CTNNA2: variants seen among roughly 807,000 people sequenced by gnomAD.
The protein encoded by CTNNA2 is catenin alpha 2, also known as catenin alpha-2.
A neutral mutation model predicts 101.0 loss-of-function variants in CTNNA2; 42 were observed. That is an observed-to-expected ratio of 0.42 (90% CI 0.32 to 0.54). The LOEUF is 0.54. CTNNA2 is among the 20% of genes least tolerant of loss of function. The pLI is 0.14. For missense variants in CTNNA2, 871 were observed against 1,223.1 expected, an observed-to-expected ratio of 0.71 and a Z score of 4.29; for synonymous variants, 450 against 456.4, an observed-to-expected ratio of 0.99 and a Z score of 0.18.
At chr2:79,616,585 G>A (rs1436196388) in intron 1 of CTNNA2, among the ~76,000 whole-genome samples, 1 of 152,058 alleles carries the variant, frequency 6.6e-6, no homozygotes, top group African/African-American at 2.4e-5. Flanking sequence ...AGCCACCCTC[G>A]TCTTTCATCC....
At chr2:80,606,868 C>G (rs988143989) in intron 16 of CTNNA2, among the ~76,000 whole-genome samples, 2 of 151,848 alleles carry the variant, frequency 1.3e-5, no homozygotes, top group African/African-American at 4.8e-5. Context: ...GTATCAAAAG[C>G]CTTGTCAGCC....
chr2:79,431,543 C>T (rs180859837), intron 4 of CTNNA2, among the ~76,000 whole-genome samples: 1 of 152,274 alleles, frequency 6.6e-6, no homozygotes, highest in East Asian at 1.9e-4. Flanking sequence ...ACGTGTTACT[C>T]CTGCCCACAT....
rs2149803809 is a variant in CTNNA2, at chr2:80,619,245, T to G, written c.2574+17T>G. 4 of 1,518,568 alleles carry G rather than the reference T, an allele frequency of 2.6e-6. No individual in the cohort carries two copies. In the East Asian group the frequency reaches 9.5e-5, roughly 36 times the overall value. 94.1% of individuals were successfully genotyped at this position (1,518,568 alleles called of 1,614,324 possible). A position where few individuals can be genotyped will look rare whatever the true frequency, so the allele number is the denominator to read the frequency against. ...TCCTCCATGGTGAGTAAATTGACTTTCTAATCTAATGTCTTTCATTGTAAT... is the reference window on the plus strand; with the variant it reads ...TCCTCCATGGTGAGTAAATTGACTTGCTAATCTAATGTCTTTCATTGTAAT... On this transcript the variant is annotated intron_variant, in intron 18 of 18. Transcript: ENST00000402739.
chr2:80,079,541 G>A (rs370932806), intron 7 of CTNNA2, among the ~76,000 whole-genome samples: 9 of 152,312 alleles, frequency 5.9e-5, no homozygotes, highest in African/African-American at 1.2e-4. Context: ...CCGGCTGGGC[G>A]CAGTGGCTCA....
chr2:80,071,571 C>T (rs1433064565), intron 7 of CTNNA2, among the ~76,000 whole-genome samples: 2 of 139,802 alleles, frequency 1.4e-5, no homozygotes, highest in Non-Finnish European at 2.9e-5. Flanking sequence ...AGATGAAAAC[C>T]ACTTGATGTG....
intron 18 of CTNNA2, among the ~76,000 whole-genome samples, chr2:80,628,290 A>C: frequency 6.6e-6 from 1 of 152,202 alleles, no homozygotes; most frequent in South Asian, 2.1e-4. Flanking sequence ...GGAACCAAAA[A>C]AGAGCCCACA....
chr2:79,496,381 A>G (rs1388715937), intron 4 of CTNNA2, among the ~76,000 whole-genome samples: 2 of 152,194 alleles, frequency 1.3e-5, no homozygotes, highest in Non-Finnish European at 2.9e-5. Context: ...ATGGATCTTC[A>G]GAGAATAGAT....
At chr2:80,541,406 A>C (rs1264605970) in intron 9 of CTNNA2, among the ~76,000 whole-genome samples, 1 of 152,190 alleles carries the variant, frequency 6.6e-6, no homozygotes, top group Non-Finnish European at 1.5e-5. Flanking sequence ...AAGAGGTGCC[A>C]GCTCTTTATT....
At chr2:79,908,706 A>G (rs1208266859) in intron 6 of CTNNA2, among the ~76,000 whole-genome samples, 1 of 152,138 alleles carries the variant, frequency 6.6e-6, no homozygotes. Context: ...CCTTCTGTAT[A>G]GGGGTCTTCT....
intron 4 of CTNNA2, among the ~76,000 whole-genome samples, chr2:79,462,058 C>T (rs555100818): frequency 7.6e-4 from 116 of 151,798 alleles, no homozygotes; most frequent in African/African-American, 2.6e-3. Flanking sequence ...AGAATTTTAC[C>T]GATATGAAAG....
chr2:80,397,163 T>G (rs2149373464), intron 8 of CTNNA2, among the ~76,000 whole-genome samples: 1 of 152,346 alleles, frequency 6.6e-6, no homozygotes, highest in African/African-American at 2.4e-5. Flanking sequence ...ACCCAATTCC[T>G]TATGTACAAA....
intron 7 of CTNNA2, among the ~76,000 whole-genome samples, chr2:80,034,356 T>C (rs1007017846): frequency 2.6e-3 from 341 of 130,986 alleles, no homozygotes; most frequent in Non-Finnish European, 4.2e-3. Flanking sequence ...TTTTTTTTCT[T>C]TTTTTTTTTT....
At chr2:79,464,524 G>C (rs111252467) in intron 4 of CTNNA2, among the ~76,000 whole-genome samples, 14 of 152,214 alleles carry the variant, frequency 9.2e-5, no homozygotes, top group South Asian at 6.2e-4. Flanking sequence ...GGGTCAAATG[G>C]TATTTCTAGT....
chr2:80,043,300 C>T (rs765078237), intron 7 of CTNNA2, among the ~76,000 whole-genome samples: 7 of 150,580 alleles, frequency 4.6e-5, no homozygotes, highest in Non-Finnish European at 8.9e-5. Context: ...TGGGTTCAAG[C>T]GATTCTCATG....
chr2:79,355,223 T>C (rs1677482717), intron 3 of CTNNA2, among the ~76,000 whole-genome samples: 1 of 152,154 alleles, frequency 6.6e-6, no homozygotes. Flanking sequence ...TCTTTTTGGG[T>C]TCCATATGAA....
chr2:80,229,356 CTGAT>C (rs1271839843), intron 7 of CTNNA2, among the ~76,000 whole-genome samples: 1 of 152,192 alleles, frequency 6.6e-6, no homozygotes, highest in Non-Finnish European at 1.5e-5. Flanking sequence ...CCAGTGCTGT[CTGAT>C]TGACTGTCTA....
chr2:80,586,323 T>G (rs1407712003), intron 14 of CTNNA2: 2 of 152,184 alleles, frequency 1.3e-5, no homozygotes, highest in African/African-American at 2.4e-5. Flanking sequence ...AAATTAACCT[T>G]GTGTTGGGAC....
intron 4 of CTNNA2, among the ~76,000 whole-genome samples, chr2:79,478,602 G>T (rs1334434508): frequency 6.6e-6 from 1 of 152,146 alleles, no homozygotes; most frequent in Non-Finnish European, 1.5e-5. Flanking sequence ...CTGGCAGAGA[G>T]GAAGATAAGA....
In CTNNA2 at chr2:80,223,736, A is replaced by G. The variant is rs968828202; in HGVS notation, c.1057-169475A>G. ...TCCTAAAAGCAACTTTGCTTTCTAC[A>G]GAATGAACTAGGCTCCCATCTAGTT... is the stretch of plus-strand genomic sequence containing the variant. On this transcript the variant is annotated intron_variant, in intron 7 of 18. Coordinates refer to ENST00000402739, the MANE Select transcript of CTNNA2 (RefSeq NM_001282597.3). Among the ~76,000 whole-genome samples the G allele has an allele frequency of 4.6e-5, 7 of 152,216 alleles. No individual in the cohort carries two copies. In the East Asian group the frequency reaches 5.8e-4, roughly 13 times the overall value.
Sources: gnomAD v4.1 joint callset for allele counts (sites outside exome capture counted in the v4.1 genomes callset) on GRCh38, gnomAD v4.1.1 for gene constraint, MANE v1.5 for transcripts, NCBI Gene and HGNC (gene_info 2026-07-23, HGNC 2026-07-21) for gene names.